The following TLN1 variants were observed in gnomAD, a reference collection of about 807,000 sequenced individuals.
TLN1 encodes talin 1.
TLN1 carries 56 observed loss-of-function variants against 292.3 expected under a neutral mutation model. The ratio of observed to expected loss-of-function variants is 0.19; its 90% CI spans 0.15 to 0.24. The LOEUF (loss-of-function observed/expected upper bound fraction) is 0.24. Among genes scored for constraint, TLN1 ranks in the 10% least tolerant of loss-of-function variants. The probability of loss-of-function intolerance (pLI) is 1.00; values close to 1 mark genes in which losing one functional copy is unlikely to be tolerated. For missense variants in TLN1, 2,433 were observed against 3,248.2 expected (o/e 0.75, Z 6.10); for synonymous variants, 1,119 against 1,253.7 (o/e 0.89, Z 2.27).
intron 1 of TLN1, among the ~76,000 whole-genome samples, chr9:35,729,758 C>T (rs946056396): frequency 1.3e-5 from 2 of 152,060 alleles, no homozygotes; most frequent in African/African-American, 4.8e-5. Context: ...GCCACTTTAG[C>T]GGCTGGGGCA....
At chr9:35,727,110 A>G (rs1825991318) in intron 1 of TLN1, among the ~76,000 whole-genome samples, 1 of 152,204 alleles carries the variant, frequency 6.6e-6, no homozygotes. Context: ...CACAGGCTGC[A>G]AGAGGACAAG....
chr9:35,716,838 C>G (rs1420265018), intron 19 of TLN1, among the ~76,000 whole-genome samples: 2 of 152,120 alleles, frequency 1.3e-5, no homozygotes, highest in Non-Finnish European at 2.9e-5. Context: ...TCTCTGAAAA[C>G]TTTTGGGGTC....
In TLN1 at chr9:35,720,190, C is replaced by T. The variant is rs527316013; in HGVS notation, c.1313G>A (p.Arg438Gln). The T allele has an allele frequency of 3.2e-5, 51 of 1,601,528 alleles. 2 individuals carry two copies. The highest frequency in any genetic ancestry group is 2.5e-4 in the South Asian group (22 of 88,940). The change falls in exon 13 of 57, where the codon CGG becomes CAG. Residue 438 changes from arginine (R) to glutamine (Q), a missense_variant. Arg to Gln is a conservative substitution (Grantham distance 43). Transcript: ENST00000314888. Reference protein sequence around the residue: ...KSTVLQQQYNRVGKVEHGSVA... With the variant: ...KSTVLQQQYNQVGKVEHGSVA... Reference sequence around the variant, plus strand: ...AGAGCCATGCTCCACTTTCCCCACCCGGTTGTATTGCTGCTGCAGGACTGT... The same window carrying T: ...AGAGCCATGCTCCACTTTCCCCACCTGGTTGTATTGCTGCTGCAGGACTGT...
intron 33 of TLN1, among the ~76,000 whole-genome samples, chr9:35,709,803 C>T (rs1338383201): frequency 1.5e-5 from 2 of 134,186 alleles, no homozygotes; most frequent in South Asian, 2.5e-4. Flanking sequence ...AGGAGAATGG[C>T]GTGAACCCGG....
chr9:35,720,785 G>A, intron 11 of TLN1, 27 bp downstream of exon 11: 2 of 1,599,524 alleles, frequency 1.3e-6, no homozygotes, highest in Non-Finnish European at 1.7e-6. Flanking sequence ...AGGCGATAAG[G>A]AGAAGGCTAG....
rs375675762 is a variant in TLN1 at position 35,722,152 on chromosome 9, G to T, written c.915C>A (p.Leu305=). 87 of 1,614,108 alleles carry T rather than the reference G, an allele frequency of 5.4e-5. No individual in the cohort carries two copies. Among genetic ancestry groups the T allele is most frequent in the Admixed American group, 1.7e-5 (1 of 60,012 alleles). ...KVRYVKLARS[L]KTYGVSFFLV... ...GGAAGAAGGAGACACCGTAAGTCTT[G>T]AGAGAACGGGCTAGCTTCACGTAGC... Residue 305 remains leucine (L), a synonymous_variant, in exon 9 of 57, where the codon CTC becomes CTA. Transcript: ENST00000314888.
Position 35,706,024 on chromosome 9 carries a change from C to A in TLN1, c.5449G>T (p.Ala1817Ser), listed in dbSNP as rs1825559278. The A allele has an allele frequency of 1.2e-6, 2 of 1,614,114 alleles. No homozygotes were observed. The highest frequency in any genetic ancestry group is 2.7e-5 in the African/African-American group (2 of 74,938). Residue 1817 changes from alanine to serine, a missense_variant, in exon 41 of 57, where the codon GCA (alanine) becomes TCA (serine). Around this residue, in one of 7 missense-constraint regions of TLN1, gnomAD observed 1,384 missense variants for 1,699.6 expected, o/e 0.81. Coordinates refer to ENST00000314888, the MANE Select transcript of TLN1 (RefSeq NM_006289.4). The surrounding 1 kb of genome is among the most constrained non-coding windows in gnomAD (Gnocchi z 4.2). ...VEDLTTTLNE[A>S]ASAAGVVGGM... ...CCCACGACCCCAGCAGCACTGGCTGCCTCGTTGAGGGTTGTTGTCAGGTCC... is the reference window on the plus strand; with the variant it reads ...CCCACGACCCCAGCAGCACTGGCTGACTCGTTGAGGGTTGTTGTCAGGTCC...
Position 35,714,702 on chromosome 9 carries a change from G to T in TLN1, c.2872-15C>A. On this transcript the variant is annotated splice_polypyrimidine_tract_variant and intron_variant, in intron 22 of 56. Transcript: ENST00000314888. The surrounding 1 kb of genome is among the most constrained non-coding windows in gnomAD (Gnocchi z 4.6). ...TCTGCCACTGCCTGTAGGTGAAAAT[G>T]TCATAAGAGACCCACAAGTCTCCCT... is the stretch of plus-strand genomic sequence containing the variant. 1 of 1,613,768 alleles carries T rather than the reference G, an allele frequency of 6.2e-7. No individual in the cohort carries two copies. Among genetic ancestry groups the T allele is most frequent in the Non-Finnish European group, 8.5e-7 (1 of 1,179,770 alleles).
In TLN1 at chr9:35,719,625, G is replaced by A; in HGVS notation, c.1581C>T (p.Ala527=). ...DTLPPLGQDA[A]SKAWRKNKMD... ...TCTTGTTTTTACGCCAGGCCTTAGA[G>A]GCCTGAAAGAGAGAGGAAAAGCCTT... is the stretch of plus-strand genomic sequence containing the variant. The change falls in exon 15 of 57, where the codon GCC becomes GCT. Residue 527 remains alanine (A), a splice_region_variant and synonymous_variant. Transcript: ENST00000314888. The surrounding 1 kb of genome is among the most constrained non-coding windows in gnomAD (Gnocchi z 4.6). The A allele has an allele frequency of 6.2e-7, 1 of 1,614,116 alleles. No homozygotes were observed.
In TLN1 at chr9:35,703,640, C is replaced by A; in HGVS notation, c.6394G>T (p.Val2132Leu). The A allele has an allele frequency of 2.5e-6, 4 of 1,614,190 alleles. No individual in the cohort carries two copies. Among genetic ancestry groups the A allele is most frequent in the Non-Finnish European group, 3.4e-6 (4 of 1,180,032 alleles). Residue 2132 changes from valine (V) to leucine (L), a missense_variant, in exon 48 of 57, where the codon GTA becomes TTA. Around this residue, in one of 7 missense-constraint regions of TLN1, gnomAD observed 1,384 missense variants for 1,699.6 expected, o/e 0.81. Transcript: ENST00000314888. Reference protein sequence around the residue: ...VTNVTSLLKTVKAVEDEATKG... With the variant: ...VTNVTSLLKTLKAVEDEATKG... ...GTGGCCTCATCTTCCACGGCTTTTA[C>A]TGTCTTAAGCAATGATGTCACATTG...
chr9:35,709,325 A>C (rs1481105539), intron 33 of TLN1, among the ~76,000 whole-genome samples: 1 of 152,120 alleles, frequency 6.6e-6, no homozygotes, highest in Non-Finnish European at 1.5e-5. Flanking sequence ...CCAAAAAAAC[A>C]AAAAAACAAA....
At chr9:35,721,519 T>G (rs573154644) in intron 10 of TLN1, 129 bp downstream of exon 10, 1 of 972,662 alleles carries the variant, frequency 1.0e-6, no homozygotes, top group Admixed American at 2.9e-5. Flanking sequence ...AGATTCTCCA[T>G]CTACTCTAAC....
At position 35,717,334 on chromosome 9, in the gene TLN1, G is replaced by T; in HGVS notation, c.2270C>A (p.Ala757Asp). The T allele has an allele frequency of 6.2e-7, 1 of 1,614,160 alleles. No individual in the cohort carries two copies. The highest frequency in any genetic ancestry group is 8.5e-7 in the Non-Finnish European group (1 of 1,180,040). The stretch of plus-strand genomic sequence containing the variant: ...TCGCAACAGTTGCCCATCCTCTGTA[G>T]CTGCCTGGGAGGCAGACACACAGCC... ...VEGCVSASQA[A>D]TEDGQLLRGV... is the part of the protein sequence containing the mutation. Residue 757 changes from alanine (A) to aspartate (D), a missense_variant, in exon 19 of 57, where the codon GCT (alanine) becomes GAT (aspartate). Coordinates refer to ENST00000314888, the MANE Select transcript of TLN1 (RefSeq NM_006289.4). The surrounding 1 kb of genome is among the most constrained non-coding windows in gnomAD (Gnocchi z 4.7).
At position 35,706,236 on chromosome 9, in the gene TLN1, T is replaced by C. The variant is rs1362939516; in HGVS notation, c.5321A>G (p.Gln1774Arg). The C allele has an allele frequency of 1.9e-6, 3 of 1,612,076 alleles. No homozygotes were observed. The highest frequency in any genetic ancestry group is 2.5e-6 in the Non-Finnish European group (3 of 1,178,854). Residue 1774 changes from glutamine (Q) to arginine (R), a missense_variant, in exon 40 of 57, where the codon CAG becomes CGG. Gln to Arg is a conservative substitution (Grantham distance 43). This residue lies in a region of TLN1 where 1,384 missense variants were observed against 1,699.6 expected (regional missense o/e 0.81). Transcript: ENST00000314888. This position sits in a 1 kb window ranked among gnomAD's most constrained non-coding sequence, Gnocchi z 4.2. The part of the protein sequence containing the change: ...QTKTLAESAL[Q>R]LLYTAKEAGG... ...AGCCTCCTTGGCAGTGTATAGCAAC[T>C]GCAGGGCAGACTCTGCCAATGTTTT...
intron 1 of TLN1, among the ~76,000 whole-genome samples, chr9:35,729,622 G>A (rs1243735225): frequency 1.3e-5 from 2 of 152,226 alleles, no homozygotes; most frequent in African/African-American, 4.8e-5. Context: ...TAAAGGTAAT[G>A]AAGCCGGAGT....
intron 20 of TLN1, 148 bp from the exon 21 acceptor site, chr9:35,715,335 G>A: frequency 8.8e-7 from 1 of 1,134,766 alleles, no homozygotes; most frequent in South Asian, 1.6e-5. Context: ...AATCACCTTT[G>A]AGAGGAGCTG....
Position 35,717,126 on chromosome 9 carries a change from C to T in TLN1, c.2458+20G>A, listed in dbSNP as rs750830069. ...GAACCCTGGTAGGGTTTTTTGTTTT[C>T]CTGGGGGTGCGTGTCTTACCAGCAT... On this transcript the variant is annotated intron_variant, in intron 19 of 56. Coordinates refer to ENST00000314888, the MANE Select transcript of TLN1 (RefSeq NM_006289.4). This position sits in a 1 kb window ranked among gnomAD's most constrained non-coding sequence, Gnocchi z 4.7. 6.4e-6 allele frequency: 10 copies of T among 1,570,408 alleles called. No homozygotes were observed. The Admixed American group carries it at 7.3e-5, about 11-fold the overall frequency.
intron 1 of TLN1, among the ~76,000 whole-genome samples, chr9:35,726,681 G>A (rs1563948051): frequency 6.6e-6 from 1 of 152,194 alleles, no homozygotes. Flanking sequence ...TGAGATGCGG[G>A]GGCCTTCTGA....
chr9:35,698,377 A>C lies in TLN1; in HGVS notation c.7317T>G (p.Leu2439=). ...GGTCAGCCTTGACCTTGCAGGCCAC[A>C]AGGAGCTGGGCTGTGGAGGCAGCTA... The part of the protein sequence containing the change: ...KQVAASTAQL[L]VACKVKADQD... The change falls in exon 55 of 57, where the codon CTT becomes CTG. Residue 2439 remains leucine (L), a synonymous_variant. Coordinates refer to ENST00000314888, the MANE Select transcript of TLN1 (RefSeq NM_006289.4). The surrounding 1 kb of genome is among the most constrained non-coding windows in gnomAD (Gnocchi z 5.3). 1.2e-6 allele frequency: 2 copies of C among 1,614,156 alleles called. No homozygotes were observed. The highest frequency in any genetic ancestry group is 1.7e-6 in the Non-Finnish European group (2 of 1,180,034).
Sources: gnomAD v4.1 joint callset for allele counts (sites outside exome capture counted in the v4.1 genomes callset) on GRCh38, gnomAD v4.1.1 for gene constraint, gnomAD v4.1.1 regional missense constraint, Gnocchi (gnomAD v3.1) non-coding constraint, MANE v1.5 for transcripts, NCBI Gene and HGNC (gene_info 2026-07-23, HGNC 2026-07-21) for gene names.